ABCB5: variants seen among roughly 807,000 people sequenced by gnomAD.
ABCB5 encodes ATP-binding cassette sub-family B member 5.
Under a neutral mutation model 144.2 loss-of-function variants are expected in ABCB5, and 155 were observed. The ratio of observed to expected loss-of-function variants is 1.08; its 90% CI spans 0.94 to 1.23. ABCB5 has a LOEUF of 1.23. Among genes scored for constraint, ABCB5 ranks in the 50% most tolerant of loss-of-function variants. The probability of loss-of-function intolerance (pLI) is 0.00; values close to 1 mark genes in which losing one functional copy is unlikely to be tolerated. For missense variants in ABCB5, 1,830 were observed against 1,520.8 expected, an observed-to-expected ratio of 1.20 and a Z score of -3.38; for synonymous variants, 610 against 528.6, an observed-to-expected ratio of 1.15 and a Z score of -2.11.
Position 20,667,117 on chromosome 7 carries a change from C to T in ABCB5, c.1707+8441C>T, listed in dbSNP as rs78954911. 1,023 of 769,108 alleles carry T rather than the reference C, an allele frequency of 1.3e-3. 26 individuals carry two copies. The South Asian group carries it at 0.044, about 33-fold the overall frequency. 47.6% of individuals were successfully genotyped at this position (769,108 alleles called of 1,614,324 possible). A position where few individuals can be genotyped will look rare whatever the true frequency, so the allele number is the denominator to read the frequency against. On this transcript the variant is annotated intron_variant, in intron 14 of 27. Coordinates refer to ENST00000404938, the MANE Select transcript of ABCB5 (RefSeq NM_001163941.2). Reference sequence around the variant, plus strand: ...GCCCATTTTATGGACCTCTGAGGCACAGTTTTTTCCCTTTTAAGTTATTAG... The same window carrying T: ...GCCCATTTTATGGACCTCTGAGGCATAGTTTTTTCCCTTTTAAGTTATTAG...
intron 19 of ABCB5, 59 bp from the exon 20 acceptor site, chr7:20,704,665 A>AC: frequency 7.1e-7 from 1 of 1,402,734 alleles, no homozygotes; most frequent in Non-Finnish European, 1.0e-6. Flanking sequence ...CAGAAAAATC[A>AC]CAAGTCAGAT....
intron 13 of ABCB5, among the ~76,000 whole-genome samples, chr7:20,658,300 TTTC>T (rs1016194226): frequency 8.9e-4 from 135 of 151,862 alleles, no homozygotes; most frequent in African/African-American, 3.1e-3. Context: ...TAGCCAAATT[TTTC>T]TTATGTCCTC....
intron 14 of ABCB5, chr7:20,659,232 C>A: frequency 6.4e-7 from 1 of 1,559,272 alleles, no homozygotes. Context: ...TGGCCCTGCA[C>A]CAAATTACAC....
At chr7:20,646,172 G>T in intron 9 of ABCB5, 34 bp downstream of exon 9, 2 of 1,573,796 alleles carry the variant, frequency 1.3e-6, no homozygotes, top group South Asian at 2.4e-5. Context: ...TGTCAGGCCT[G>T]GATAATCTTT....
intron 9 of ABCB5, among the ~76,000 whole-genome samples, chr7:20,647,089 C>A (rs537186603): frequency 6.6e-6 from 1 of 152,084 alleles, no homozygotes; most frequent in African/African-American, 2.4e-5. Flanking sequence ...AATTCAAAAA[C>A]GGTTTGAGTG....
intron 14 of ABCB5, among the ~76,000 whole-genome samples, chr7:20,665,789 A>G (rs950207808): frequency 6.6e-6 from 1 of 151,638 alleles, no homozygotes; most frequent in African/African-American, 2.4e-5. Flanking sequence ...ACATACATAC[A>G]TACATACATA....
intron 14 of ABCB5, among the ~76,000 whole-genome samples, chr7:20,679,128 T>A (rs566109298): frequency 1.3e-5 from 2 of 152,048 alleles, no homozygotes; most frequent in African/African-American, 2.4e-5. Context: ...TAAATTGGAC[T>A]TCATTAAAAT....
At chr7:20,717,651 C>G (rs1038582169) in intron 20 of ABCB5, among the ~76,000 whole-genome samples, 1 of 151,680 alleles carries the variant, frequency 6.6e-6, no homozygotes, top group African/African-American at 2.4e-5. Flanking sequence ...GTTGATAAGG[C>G]TGGTCTCAGA....
intron 23 of ABCB5, among the ~76,000 whole-genome samples, chr7:20,730,294 A>C (rs1463236940): frequency 2.6e-5 from 4 of 152,190 alleles, no homozygotes; most frequent in Non-Finnish European, 4.4e-5. Context: ...TGGATCACCA[A>C]AGGTCAGGAT....
Position 20,738,888 on chromosome 7 carries a change from A to G in ABCB5, c.2868-95A>G, listed in dbSNP as rs1782471376. 2.2e-6 allele frequency: 3 copies of G among 1,357,612 alleles called. No homozygotes were observed. In the East Asian group the frequency reaches 7.8e-5, roughly 35 times the overall value. The allele number at this position is 1,357,612 out of a possible 1,614,324, so 84.1% of individuals were successfully genotyped here. On this transcript the variant is annotated intron_variant, in intron 23 of 27. Transcript: ENST00000404938. ...GGGGTGCCGTCTACATCAAAAGATT[A>G]TATTCCTGTGCCTGCTTTTTTCTTT...
At chr7:20,675,810 G>A (rs1785581579) in intron 14 of ABCB5, among the ~76,000 whole-genome samples, 1 of 151,664 alleles carries the variant, frequency 6.6e-6, no homozygotes, top group Non-Finnish European at 1.5e-5. Context: ...TAACTCAATA[G>A]TAAAAAACAA....
At chr7:20,741,968 ATCC>A (rs1014682971) in intron 24 of ABCB5, among the ~76,000 whole-genome samples, 1 of 152,250 alleles carries the variant, frequency 6.6e-6, no homozygotes, top group Non-Finnish European at 1.5e-5. Flanking sequence ...TTTTTTAAAC[ATCC>A]TGGTGTAGAT....
chr7:20,695,750 G>C (rs1786389998), intron 16 of ABCB5, among the ~76,000 whole-genome samples: 1 of 151,882 alleles, frequency 6.6e-6, no homozygotes, highest in African/African-American at 2.4e-5. Flanking sequence ...TTAAATGTCA[G>C]CAAAAGATTT....
chr7:20,702,758 T>C (rs866842308), intron 19 of ABCB5, among the ~76,000 whole-genome samples: 2 of 149,414 alleles, frequency 1.3e-5, no homozygotes, highest in Non-Finnish European at 3.0e-5. Flanking sequence ...GCCTCCAGGG[T>C]TCACGCCATT....
At chr7:20,652,471 G>A (rs565081156) in intron 13 of ABCB5, among the ~76,000 whole-genome samples, 68 of 152,322 alleles carry the variant, frequency 4.5e-4, no homozygotes, top group African/African-American at 1.6e-3. Context: ...TAGGGAGGCT[G>A]AGGCAGGAGA....
intron 14 of ABCB5, chr7:20,659,947 G>C: frequency 4.1e-6 from 4 of 982,754 alleles, no homozygotes; most frequent in Non-Finnish European, 4.8e-6. Flanking sequence ...GCCTCCCAAA[G>C]TGCTGGGATT....
At chr7:20,625,137 G>T (rs1783882371) in intron 2 of ABCB5, among the ~76,000 whole-genome samples, 1 of 152,186 alleles carries the variant, frequency 6.6e-6, no homozygotes, top group Non-Finnish European at 1.5e-5. Flanking sequence ...GGATTGTAGG[G>T]TTTTGCAATG....
intron 20 of ABCB5, among the ~76,000 whole-genome samples, chr7:20,711,778 C>CTCTT (rs1174731019): frequency 0.11 from 5,005 of 46,512 alleles, 469 homozygotes; most frequent in Non-Finnish European, 0.13. Context: ...TTCCTTCTTT[C>CTCTT]TCTTTCTTTC....
At chr7:20,745,514 T>C in intron 26 of ABCB5, 76 bp downstream of exon 26, 1 of 1,268,554 alleles carries the variant, frequency 7.9e-7, no homozygotes. Context: ...ATGCAGTTGT[T>C]TTTATGTATT....
Sources: gnomAD v4.1 joint callset for allele counts (sites outside exome capture counted in the v4.1 genomes callset) on GRCh38, gnomAD v4.1.1 for gene constraint, MANE v1.5 for transcripts, NCBI Gene and HGNC (gene_info 2026-07-23, HGNC 2026-07-21) for gene names.